Variants in SCAI observed in about 807,000 individuals in gnomAD.
SCAI encodes the protein suppressor of cancer cell invasion, also known as protein SCAI.
In SCAI, 24 loss-of-function variants were observed where a neutral mutation model predicts 92.2. The observed-to-expected ratio is 0.26, with a 90% CI of 0.19 to 0.37. The LOEUF (loss-of-function observed/expected upper bound fraction) is 0.37, where lower values mean the gene tolerates loss of function less well. SCAI is among the 10% of genes least tolerant of loss of function. SCAI has a pLI of 1.00. For synonymous variants in SCAI, 261 were observed against 258.6 expected (o/e 1.01, Z -0.09); for missense variants, 450 against 736.2 (o/e 0.61, Z 4.50).
intron 3 of SCAI, among the ~76,000 whole-genome samples, chr9:125,031,517 G>A (rs1206693296): frequency 6.6e-6 from 1 of 151,908 alleles, no homozygotes; most frequent in Admixed American, 6.6e-5. Context: ...CCAAAGTGCT[G>A]GGATTACAGG....
At chr9:124,963,644 G>C (rs1429039564) in intron 17 of SCAI, among the ~76,000 whole-genome samples, 1 of 150,944 alleles carries the variant, frequency 6.6e-6, no homozygotes, top group Non-Finnish European at 1.5e-5. Flanking sequence ...CAGCTACTCA[G>C]GATGCTGAGG....
chr9:125,089,562 G>A (rs1834387186), intron 2 of SCAI, among the ~76,000 whole-genome samples: 1 of 152,128 alleles, frequency 6.6e-6, no homozygotes, highest in Non-Finnish European at 1.5e-5. Context: ...CAGAAAGGCA[G>A]AATCTTAGGC....
chr9:125,024,431 A>G (rs1564383061), intron 6 of SCAI, among the ~76,000 whole-genome samples: 1 of 151,952 alleles, frequency 6.6e-6, no homozygotes, highest in Non-Finnish European at 1.5e-5. Flanking sequence ...GCGTGCCACC[A>G]CGCCCGGCTA....
At chr9:125,019,440 T>G (rs1832825746) in intron 7 of SCAI, among the ~76,000 whole-genome samples, 1 of 152,074 alleles carries the variant, frequency 6.6e-6, no homozygotes, top group African/African-American at 2.4e-5. Context: ...TTCCTATCAG[T>G]ACTACATGAG....
chr9:124,993,596 A>G (rs1832179546), intron 14 of SCAI, among the ~76,000 whole-genome samples: 1 of 152,214 alleles, frequency 6.6e-6, no homozygotes, highest in African/African-American at 2.4e-5. Context: ...CTCAAAAAAG[A>G]AAAGAAAAGA....
intron 3 of SCAI, among the ~76,000 whole-genome samples, chr9:125,047,178 A>C (rs1176085696): frequency 2.0e-5 from 3 of 152,192 alleles, no homozygotes; most frequent in African/African-American, 7.2e-5. Context: ...AATTAAAAAG[A>C]AGCCTTTAGG....
At chr9:125,055,423 A>T (rs76738794) in intron 3 of SCAI, among the ~76,000 whole-genome samples, 270 of 152,250 alleles carry the variant, frequency 1.8e-3, no homozygotes, top group African/African-American at 6.3e-3. Context: ...CCAATCTGGT[A>T]GACAAAGGTA....
rs374246516 is a variant in SCAI at position 125,032,987 on chromosome 9, CAATT to C, written c.231-3252_231-3249del. Among the ~76,000 whole-genome samples the C allele has an allele frequency of 2.9e-4, 44 of 152,186 alleles. No individual in the cohort carries two copies. The East Asian group carries it at 7.9e-3, about 27-fold the overall frequency. On this transcript the variant is annotated intron_variant, in intron 3 of 17. Coordinates refer to ENST00000336505, the MANE Select transcript of SCAI (RefSeq NM_001144877.3). ...AAAGTAATGTGAAAACTGATCTCTT[CAATT>C]AATAGGATTATTGGTTGTAATAGAC...
chr9:125,020,553 C>A, intron 7 of SCAI, 120 bp downstream of exon 7: 1 of 541,726 alleles, frequency 1.8e-6, no homozygotes, highest in South Asian at 2.8e-5. Context: ...AGTTACTATA[C>A]TTTGAATATT....
chr9:125,143,480 G>A lies in SCAI; in HGVS notation c.-43C>T, dbSNP rs1034318641. ...GCGGGAGCTGCTCCGGCGGCCGCAG[G>A]GCTCGCTCGGGAAGCTGAGGCGGCG... On this transcript the variant is annotated 5_prime_UTR_variant, in exon 1 of 18. Transcript: ENST00000336505. The A allele has an allele frequency of 3.0e-6, 4 of 1,318,412 alleles. No homozygotes were observed. Among genetic ancestry groups the A allele is most frequent in the African/African-American group, 3.1e-5 (2 of 64,840 alleles). The allele number at this position is 1,318,412 out of a possible 1,614,324, so 81.7% of individuals were successfully genotyped here. A position where few individuals can be genotyped will look rare whatever the true frequency, so the allele number is the denominator to read the frequency against.
At chr9:125,017,609 G>C (rs1430296994) in intron 9 of SCAI, among the ~76,000 whole-genome samples, 2 of 152,076 alleles carry the variant, frequency 1.3e-5, no homozygotes, top group Non-Finnish European at 2.9e-5. Context: ...TGTATTCACT[G>C]GTGTAATTTC....
At chr9:125,094,981 T>C (rs1329154854) in intron 2 of SCAI, among the ~76,000 whole-genome samples, 1 of 152,194 alleles carries the variant, frequency 6.6e-6, no homozygotes, top group Non-Finnish European at 1.5e-5. Context: ...ATACATAAAA[T>C]GTATTAATTA....
chr9:124,979,344 G>C (rs927462129), intron 14 of SCAI, among the ~76,000 whole-genome samples: 1 of 151,172 alleles, frequency 6.6e-6, no homozygotes, highest in Non-Finnish European at 1.5e-5. Context: ...ATTTGAGACC[G>C]ACCTGACCAA....
intron 2 of SCAI, among the ~76,000 whole-genome samples, chr9:125,094,004 A>G (rs1834495843): frequency 6.6e-6 from 1 of 150,720 alleles, no homozygotes; most frequent in Non-Finnish European, 1.5e-5. Flanking sequence ...AATTGCAACT[A>G]TTCACCCCAA....
intron 2 of SCAI, among the ~76,000 whole-genome samples, chr9:125,115,755 A>G (rs946753141): frequency 6.6e-6 from 1 of 152,244 alleles, no homozygotes; most frequent in Non-Finnish European, 1.5e-5. Flanking sequence ...ATGAATAAAA[A>G]TAATTTATTC....
Position 125,003,095 on chromosome 9 carries a change from A to C in SCAI, c.1065+19T>G. On this transcript the variant is annotated intron_variant, in intron 11 of 17. Coordinates refer to ENST00000336505, the MANE Select transcript of SCAI (RefSeq NM_001144877.3). ...GGCACACTTTCACCTCATAGTAAAA[A>C]GTACTGGATCACACATACCTTAAAA... 6.5e-7 allele frequency: 1 copy of C among 1,531,120 alleles called. No homozygotes were observed. Among genetic ancestry groups the C allele is most frequent in the Non-Finnish European group, 9.0e-7 (1 of 1,106,160 alleles). The allele number at this position is 1,531,120 out of a possible 1,614,324, so 94.8% of individuals were successfully genotyped here.
intron 3 of SCAI, among the ~76,000 whole-genome samples, chr9:125,040,350 G>A (rs1833294093): frequency 6.6e-6 from 1 of 152,134 alleles, no homozygotes; most frequent in Non-Finnish European, 1.5e-5. Context: ...GAGTTAGAGT[G>A]AGACTCTGTC....
intron 9 of SCAI, among the ~76,000 whole-genome samples, chr9:125,006,982 C>G (rs748777025): frequency 1.3e-5 from 2 of 151,840 alleles, no homozygotes; most frequent in African/African-American, 2.4e-5. Context: ...TAGCTGGGCG[C>G]GTAGGGCGTG....
chr9:125,085,209 G>A (rs536975119), intron 2 of SCAI, among the ~76,000 whole-genome samples: 53 of 152,286 alleles, frequency 3.5e-4, no homozygotes, highest in Admixed American at 2.8e-3. Flanking sequence ...AATAACAGAC[G>A]GGTGCGGTGG....
Sources: allele counts gnomAD v4.1 joint callset (sites outside exome capture counted in the v4.1 genomes callset), GRCh38; gene constraint gnomAD v4.1.1; transcripts MANE v1.5; gene names NCBI Gene and HGNC (gene_info 2026-07-23, HGNC 2026-07-21).